Variants in CDH23 observed in about 807,000 individuals in gnomAD.
CDH23 encodes the protein cadherin-23.
CDH23 carries 189 observed loss-of-function variants against 317.1 expected under a neutral mutation model. The ratio of observed to expected loss-of-function variants is 0.60; its 90% confidence interval spans 0.53 to 0.67. The LOEUF is 0.67. Among genes scored for constraint, CDH23 ranks in the 30% least tolerant of loss-of-function variants. The pLI, the probability that CDH23 is intolerant of heterozygous loss-of-function variation, is 0.00. For synonymous variants in CDH23, 1,839 were observed against 1,876.8 expected, an observed-to-expected ratio of 0.98 and a Z score of 0.52; for missense variants, 4,401 against 4,592.4, an observed-to-expected ratio of 0.96 and a Z score of 1.20.
chr10:71,608,839 T>C (rs1860684972), intron 9 of CDH23, among the ~76,000 whole-genome samples: 1 of 152,178 alleles, frequency 6.6e-6, no homozygotes, highest in South Asian at 2.1e-4. Context: ...ATACTGGACC[T>C]TCAGAAAGGG....
At chr10:71,768,319 C>T (rs1344617078) in intron 38 of CDH23, among the ~76,000 whole-genome samples, 6 of 152,030 alleles carry the variant, frequency 3.9e-5, no homozygotes, top group East Asian at 1.9e-4. Context: ...TACAGGCACC[C>T]GCCACCACGC....
intron 1 of CDH23, among the ~76,000 whole-genome samples, chr10:71,398,428 AGTGTGTGTGTGTGTGTGTGT>A (rs143519061): frequency 6.7e-5 from 8 of 120,166 alleles, no homozygotes; most frequent in African/African-American, 1.6e-4. Context: ...GAGACACAGG[AGTGTGTGTGTGTGTGTGTGT>A]GTGTGTGTGT....
At chr10:71,461,720 A>G (rs928070656) in intron 3 of CDH23, among the ~76,000 whole-genome samples, 4 of 152,212 alleles carry the variant, frequency 2.6e-5, no homozygotes, top group Admixed American at 6.5e-5. Flanking sequence ...TTAGGTCCTC[A>G]TCGCAACCCC....
intron 9 of CDH23, among the ~76,000 whole-genome samples, chr10:71,589,002 C>T (rs1859277403): frequency 6.6e-6 from 1 of 152,246 alleles, no homozygotes; most frequent in Non-Finnish European, 1.5e-5. Flanking sequence ...CCCCTCCCCA[C>T]TCACACGCAA....
At chr10:71,545,595 C>T (rs1162598826) in intron 6 of CDH23, among the ~76,000 whole-genome samples, 1 of 152,186 alleles carries the variant, frequency 6.6e-6, no homozygotes, top group Non-Finnish European at 1.5e-5. Flanking sequence ...TCTTCAGGGC[C>T]TACTGTGTGC....
At chr10:71,437,784 G>T (rs115680367) in intron 1 of CDH23, among the ~76,000 whole-genome samples, 1 of 152,082 alleles carries the variant, frequency 6.6e-6, no homozygotes, top group Non-Finnish European at 1.5e-5. Context: ...CAGAAGCTCC[G>T]CCACACTGGG....
intron 3 of CDH23, among the ~76,000 whole-genome samples, chr10:71,502,622 G>T (rs1206684387): frequency 6.6e-6 from 1 of 152,210 alleles, no homozygotes; most frequent in East Asian, 1.9e-4. Context: ...ACAGCAGTCT[G>T]GCAGGCCGGG....
intron 25 of CDH23, among the ~76,000 whole-genome samples, chr10:71,706,005 T>A (rs1865774618): frequency 1.3e-5 from 2 of 152,134 alleles, no homozygotes; most frequent in Non-Finnish European, 2.9e-5. Flanking sequence ...TGCCTGTGGG[T>A]TTCTGTTGCC....
In CDH23 at chr10:71,799,637, GTGATGGAGGGCC is replaced by G. The variant is rs1215371623; in HGVS notation, c.7362+11_7362+22del. On this transcript the variant is annotated intron_variant, in intron 52 of 69. Coordinates refer to ENST00000224721, the MANE Select transcript of CDH23 (RefSeq NM_022124.6). ...GCCATCAACCCCACCACGGTGAGCA[GTGATGGAGGGCC>G]TGGAATTTGGAAGTGGGAAGGACCC... is the stretch of plus-strand genomic sequence containing the variant. 1 of 1,613,932 alleles carries G rather than the reference GTGATGGAGGGCC, an allele frequency of 6.2e-7. No homozygotes were observed. Among genetic ancestry groups the G allele is most frequent in the Non-Finnish European group, 8.5e-7 (1 of 1,179,906 alleles).
chr10:71,609,746 G>T (rs776294506), intron 9 of CDH23, among the ~76,000 whole-genome samples: 5 of 152,144 alleles, frequency 3.3e-5, no homozygotes, highest in Non-Finnish European at 7.3e-5. Context: ...CGCCTGGTGC[G>T]CTTTTTCCCA....
intron 28 of CDH23, among the ~76,000 whole-genome samples, chr10:71,720,701 A>C (rs866904868): frequency 1.3e-5 from 2 of 152,348 alleles, no homozygotes; most frequent in South Asian, 4.1e-4. Flanking sequence ...ACTGTCTGCC[A>C]ACCCCAAGAT....
rs189209931 is a variant in CDH23 at position 71,430,906 on chromosome 10, G to A, written c.-5-8921G>A. ...ACCCTGCAGCTGCTAAAAAGAACAA[G>A]CAACTCCGTATGTACTGAAATGGAA... On this transcript the variant is annotated intron_variant, in intron 1 of 69. Transcript: ENST00000224721. Among the ~76,000 whole-genome samples, 362 of 152,294 alleles carry A rather than the reference G, an allele frequency of 2.4e-3. 1 individual carries two copies. Among genetic ancestry groups the A allele is most frequent in the African/African-American group, 8.4e-3 (348 of 41,552 alleles).
chr10:71,644,396 A>G (rs1056592363), intron 12 of CDH23, among the ~76,000 whole-genome samples: 1 of 152,268 alleles, frequency 6.6e-6, no homozygotes, highest in Non-Finnish European at 1.5e-5. Flanking sequence ...GAAAAACCCA[A>G]GAGACTGATG....
At chr10:71,734,507 G>C in intron 33 of CDH23, 149 bp from the exon 34 acceptor site, 2 of 1,580,590 alleles carry the variant, frequency 1.3e-6, no homozygotes, top group South Asian at 1.1e-5. Context: ...CTTCCCAGCA[G>C]GTTGGGCTAG....
In CDH23 at chr10:71,779,290, C is replaced by A. The variant is rs1386058439; in HGVS notation, c.5211C>A (p.Ile1737=). ...TTTVLVNVND[I]NDNVPTFPRD... is the part of the protein sequence containing the mutation. ...AGGTGCTTGTGAATGTGAATGACAT[C>A]AACGACAATGTGCCTACCTTCCCCC... Residue 1737 remains isoleucine, a synonymous_variant, in exon 41 of 70, where the codon ATC becomes ATA. Coordinates refer to ENST00000224721, the MANE Select transcript of CDH23 (RefSeq NM_022124.6). 1.9e-6 allele frequency: 3 copies of A among 1,614,026 alleles called. No individual in the cohort carries two copies.
At chr10:71,598,722 T>C (rs1200461297) in intron 9 of CDH23, among the ~76,000 whole-genome samples, 2 of 152,250 alleles carry the variant, frequency 1.3e-5, no homozygotes, top group Non-Finnish European at 2.9e-5. Flanking sequence ...AAGATTTGGG[T>C]TGTGGAGCCT....
At chr10:71,669,165 T>C (rs928903280) in intron 14 of CDH23, among the ~76,000 whole-genome samples, 2 of 152,140 alleles carry the variant, frequency 1.3e-5, no homozygotes, top group Non-Finnish European at 1.5e-5. Context: ...GGGAGGCTGA[T>C]GGGGAGGCAG....
rs761669482 is a variant in CDH23 at position 71,566,731 on chromosome 10, C to T, written c.430-11C>T. 6.3e-7 allele frequency: 1 copy of T among 1,580,828 alleles called. No homozygotes were observed. Among genetic ancestry groups the T allele is most frequent in the South Asian group, 1.2e-5 (1 of 86,548 alleles). ...GGCTCACCCTTGTACTTGCTTTGCTCTCATCCCCAGAATACACCAGTGGGG... is the reference window on the plus strand; with the variant it reads ...GGCTCACCCTTGTACTTGCTTTGCTTTCATCCCCAGAATACACCAGTGGGG... On this transcript the variant is annotated splice_polypyrimidine_tract_variant and intron_variant, in intron 6 of 69. Coordinates refer to ENST00000224721, the MANE Select transcript of CDH23 (RefSeq NM_022124.6).
At chr10:71,727,829 C>T (rs1279210176) in intron 30 of CDH23, among the ~76,000 whole-genome samples, 1 of 152,234 alleles carries the variant, frequency 6.6e-6, no homozygotes, top group Non-Finnish European at 1.5e-5. Context: ...CCAGGAAGCC[C>T]AGTTGCTCCC....
Sources: gnomAD v4.1 joint callset for allele counts (sites outside exome capture counted in the v4.1 genomes callset) on GRCh38, gnomAD v4.1.1 for gene constraint, MANE v1.5 for transcripts, NCBI Gene and HGNC (gene_info 2026-07-23, HGNC 2026-07-21) for gene names.